Variants in UBE4B observed in about 807,000 individuals in gnomAD.
UBE4B encodes the protein ubiquitin conjugation factor E4 B.
In UBE4B, 27 loss-of-function variants were observed where a neutral mutation model predicts 148.1. The observed-to-expected ratio is 0.18, with a 90% CI of 0.13 to 0.25. The LOEUF is 0.25. Among genes scored for constraint, UBE4B ranks in the 10% least tolerant of loss-of-function variants. The pLI, the probability that UBE4B is intolerant of heterozygous loss-of-function variation, is 1.00. For synonymous variants in UBE4B, 596 were observed against 619.3 expected (o/e 0.96, Z 0.56); for missense variants, 1,170 against 1,662.4 (o/e 0.70, Z 5.15).
At position 10,106,706 on chromosome 1, in the gene UBE4B, G is replaced by T. The variant is rs1366303227; in HGVS notation, c.1196+123G>T. On this transcript the variant is annotated intron_variant, in intron 7 of 27. Coordinates refer to ENST00000343090, the MANE Select transcript of UBE4B (RefSeq NM_001105562.3). This position sits in a 1 kb window ranked among gnomAD's most constrained non-coding sequence, Gnocchi z 4.2. ...AATTGTTGTTTTGGGTTATTAACCTGTGTGGCTAACTAGTTTGGTAGGCAC... is the reference window on the plus strand; with the variant it reads ...AATTGTTGTTTTGGGTTATTAACCTTTGTGGCTAACTAGTTTGGTAGGCAC... 11 of 1,305,018 alleles carry T rather than the reference G, an allele frequency of 8.4e-6. No individual in the cohort carries two copies. Among genetic ancestry groups the T allele is most frequent in the Admixed American group, 3.3e-5 (1 of 30,194 alleles). The allele number at this position is 1,305,018 out of a possible 1,614,324, so 80.8% of individuals were successfully genotyped here.
At position 10,043,421 on chromosome 1, in the gene UBE4B, CTTTT is replaced by C. The variant is rs35513799; in HGVS notation, c.24+9746_24+9749del. On this transcript the variant is annotated intron_variant, in intron 1 of 27. Transcript: ENST00000343090. Reference sequence around the variant, plus strand: ...TAATATCTTTGAAATTGAGATGCTGCTTTTTTTTTTTTTTTTTTTTTTGAGATGG... The same window carrying C: ...TAATATCTTTGAAATTGAGATGCTGCTTTTTTTTTTTTTTTTTTGAGATGG... Among the ~76,000 whole-genome samples the C allele has an allele frequency of 3.6e-5, 4 of 110,862 alleles. No individual in the cohort carries two copies. The East Asian group carries it at 8.3e-4, about 23-fold the overall frequency. The allele number at this position is 110,862 out of a possible 152,430, so 72.7% of individuals were successfully genotyped here.
chr1:10,089,213 G>A (rs1259401247), intron 2 of UBE4B, among the ~76,000 whole-genome samples: 2 of 151,918 alleles, frequency 1.3e-5, no homozygotes, highest in Non-Finnish European at 2.9e-5. Flanking sequence ...CACCATATTG[G>A]CCAGGATGGT....
At position 10,105,658 on chromosome 1, in the gene UBE4B, A is replaced by C. The variant is rs746164686; in HGVS notation, c.723A>C (p.Arg241Ser). 6.2e-7 allele frequency: 1 copy of C among 1,614,216 alleles called. No homozygotes were observed. Among genetic ancestry groups the C allele is most frequent in the South Asian group, 1.1e-5 (1 of 91,086 alleles). The change falls in exon 6 of 28, where the codon AGA becomes AGC. Residue 241 changes from arginine (R) to serine (S), a missense_variant. Arg to Ser is a moderately radical substitution (Grantham distance 110). Coordinates refer to ENST00000343090, the MANE Select transcript of UBE4B (RefSeq NM_001105562.3). ...PIAAAARSPD[R>S]NLLLNTGSNP... ...CTGCAGCAGCACGGTCACCAGACAG[A>C]AATCTCTTGCTAAACACTGGCTCCA...
In UBE4B at chr1:10,127,007, T is replaced by C. The variant is rs1315584546; in HGVS notation, c.1638+130T>C. 1.5e-5 allele frequency: 12 copies of C among 813,486 alleles called. 1 individual carries two copies. In the South Asian group the frequency reaches 2.0e-4, roughly 14 times the overall value. 50.4% of individuals were successfully genotyped at this position (813,486 alleles called of 1,614,324 possible). A position where few individuals can be genotyped will look rare whatever the true frequency, so the allele number is the denominator to read the frequency against. Reference sequence around the variant, plus strand: ...AAATTTAAAACATGAAATCACTGTGTTGGCCATGCAGAGTGTTTGGTGTGC... The same window carrying C: ...AAATTTAAAACATGAAATCACTGTGCTGGCCATGCAGAGTGTTTGGTGTGC... On this transcript the variant is annotated intron_variant, in intron 11 of 27. Coordinates refer to ENST00000343090, the MANE Select transcript of UBE4B (RefSeq NM_001105562.3).
intron 23 of UBE4B, chr1:10,163,167 TC>T (rs1646193391): frequency 6.6e-6 from 1 of 152,134 alleles, no homozygotes; most frequent in Non-Finnish European, 1.5e-5. Context: ...CAAGTGATCC[TC>T]CTGCCTCAGC....
Position 10,168,025 on chromosome 1 carries a change from A to T in UBE4B, c.3199-111A>T. The T allele has an allele frequency of 7.6e-7, 1 of 1,322,362 alleles. No homozygotes were observed. Among genetic ancestry groups the T allele is most frequent in the Middle Eastern group, 2.5e-4 (1 of 3,984 alleles). 81.9% of individuals were successfully genotyped at this position (1,322,362 alleles called of 1,614,324 possible). A position where few individuals can be genotyped will look rare whatever the true frequency, so the allele number is the denominator to read the frequency against. The stretch of plus-strand genomic sequence containing the variant: ...GGGACATGTGGCAGGCGGTTCTGTC[A>T]TTCCCTAAGCATGTTGGGTTTATCA... On this transcript the variant is annotated intron_variant, in intron 23 of 27. Coordinates refer to ENST00000343090, the MANE Select transcript of UBE4B (RefSeq NM_001105562.3). The surrounding 1 kb of genome is among the most constrained non-coding windows in gnomAD (Gnocchi z 4.9).
chr1:10,130,803 A>T lies in UBE4B; in HGVS notation c.1901A>T (p.Glu634Val). Residue 634 changes from glutamate (E) to valine (V), a missense_variant, in exon 14 of 28, where the codon GAG becomes GTG. Transcript: ENST00000343090. The stretch of plus-strand genomic sequence containing the variant: ...AGCCAATCATTGCAGCATTACTTAG[A>T]GCTCGGAAGGGTAAGTGTTCAGAAA... ...VVSQSLQHYL[E>V]LGRQELFKIL... The T allele has an allele frequency of 6.2e-7, 1 of 1,614,142 alleles. No individual in the cohort carries two copies. The highest frequency in any genetic ancestry group is 8.5e-7 in the Non-Finnish European group (1 of 1,179,982).
intron 25 of UBE4B, among the ~76,000 whole-genome samples, chr1:10,173,305 C>T (rs528053834): frequency 6.6e-6 from 1 of 151,842 alleles, no homozygotes; most frequent in South Asian, 2.1e-4. Flanking sequence ...GGTGAAACCC[C>T]GTCTCTACTA....
At chr1:10,155,082 AGAGT>A (rs1368020072) in intron 21 of UBE4B, among the ~76,000 whole-genome samples, 1 of 147,492 alleles carries the variant, frequency 6.8e-6, no homozygotes. Flanking sequence ...AGAGAGAGAG[AGAGT>A]GTGTGTGTGT....
At chr1:10,069,466 C>T (rs897787758) in intron 1 of UBE4B, among the ~76,000 whole-genome samples, 13 of 152,066 alleles carry the variant, frequency 8.5e-5, no homozygotes, top group African/African-American at 1.4e-4. Flanking sequence ...ATCAGAGCCA[C>T]GGAGAAAAAA....
chr1:10,068,454 A>AT (rs1303742817), intron 1 of UBE4B, among the ~76,000 whole-genome samples: 2 of 147,096 alleles, frequency 1.4e-5, no homozygotes, highest in African/African-American at 2.5e-5. Flanking sequence ...GGTTGAAGTG[A>AT]TTCTCCTGCC....
intron 23 of UBE4B, chr1:10,166,152 C>G (rs1646242595): frequency 6.6e-6 from 1 of 152,250 alleles, no homozygotes; most frequent in Non-Finnish European, 1.5e-5. Flanking sequence ...TTCAGCTCTG[C>G]CAGCTGTGTT....
chr1:10,159,889 G>A (rs1286875834), intron 22 of UBE4B, among the ~76,000 whole-genome samples: 1 of 152,168 alleles, frequency 6.6e-6, no homozygotes, highest in Non-Finnish European at 1.5e-5. Flanking sequence ...CTGCTCTTAT[G>A]GTCAGAATTG....
In UBE4B at chr1:10,106,955, G is replaced by A. The variant is rs1424688093; in HGVS notation, c.1196+372G>A. Among the ~76,000 whole-genome samples, 1 of 152,028 alleles carries A rather than the reference G, an allele frequency of 6.6e-6. No individual in the cohort carries two copies. ...TTACTTCTGGTGAGTGGGGTGGGTC[G>A]GTTCATGTCCTGACGTGTTGAGTTT... On this transcript the variant is annotated intron_variant, in intron 7 of 27. Coordinates refer to ENST00000343090, the MANE Select transcript of UBE4B (RefSeq NM_001105562.3). This position sits in a 1 kb window ranked among gnomAD's most constrained non-coding sequence, Gnocchi z 4.2.
intron 1 of UBE4B, among the ~76,000 whole-genome samples, chr1:10,043,310 A>C (rs781052763): frequency 6.6e-6 from 1 of 151,566 alleles, no homozygotes; most frequent in Non-Finnish European, 1.5e-5. Context: ...CACCCGGCCA[A>C]CTTTCAGTAA....
intron 7 of UBE4B, among the ~76,000 whole-genome samples, chr1:10,114,611 C>T (rs1161218282): frequency 6.6e-6 from 1 of 152,130 alleles, no homozygotes; most frequent in Non-Finnish European, 1.5e-5. Context: ...CACCTGTAAT[C>T]CCAGCACTTT....
intron 11 of UBE4B, chr1:10,129,074 A>G (rs561211414): frequency 4.2e-6 from 1 of 235,856 alleles, no homozygotes; most frequent in African/African-American, 2.2e-5. Flanking sequence ...TTTGTAAAAA[A>G]CATATATAGA....
chr1:10,175,513 T>G (rs771193816), intron 25 of UBE4B, among the ~76,000 whole-genome samples: 65 of 151,154 alleles, frequency 4.3e-4, no homozygotes, highest in Middle Eastern at 3.4e-3. Context: ...TAGCCAGGCG[T>G]GGTGGCGGGC....
chr1:10,138,159 A>G (rs11121521), intron 17 of UBE4B, among the ~76,000 whole-genome samples: 31,996 of 148,702 alleles, frequency 0.22, 6,468 homozygotes, highest in African/African-American at 0.54. Flanking sequence ...GTCCAATGGC[A>G]TGATCTCGGC....
Sources: allele counts gnomAD v4.1 joint callset (sites outside exome capture counted in the v4.1 genomes callset), GRCh38; gene constraint gnomAD v4.1.1; non-coding constraint Gnocchi (gnomAD v3.1); transcripts MANE v1.5; gene names NCBI Gene and HGNC (gene_info 2026-07-23, HGNC 2026-07-21).